Variants in ZNF695 observed in about 807,000 individuals in gnomAD.
ZNF695 encodes the protein zinc finger protein SBZF3.
ZNF695 carries 11 observed loss-of-function variants against 11.2 expected under a neutral mutation model. The ratio of observed to expected loss-of-function variants is 0.98; its 90% CI spans 0.62 to 1.62. The LOEUF (loss-of-function observed/expected upper bound fraction) is 1.62, where lower values mean the gene tolerates loss of function less well. ZNF695 is among the 40% of genes most tolerant of loss of function. The pLI is 0.00. For synonymous variants in ZNF695, 190 were observed against 201.4 expected, an observed-to-expected ratio of 0.94 and a Z score of 0.48; for missense variants, 559 against 590.5, an observed-to-expected ratio of 0.95 and a Z score of 0.55.
intron 5 of ZNF695, among the ~76,000 whole-genome samples, chr1:246,954,762 T>C (rs567701106): frequency 6.6e-6 from 1 of 152,278 alleles, no homozygotes; most frequent in Non-Finnish European, 1.5e-5. Flanking sequence ...TCTATATTCT[T>C]ATAGGGTTTT....
intron 5 of ZNF695, among the ~76,000 whole-genome samples, chr1:246,954,263 T>C (rs1287022801): frequency 1.3e-5 from 2 of 152,106 alleles, no homozygotes; most frequent in Non-Finnish European, 2.9e-5. Flanking sequence ...ACCAGAAGAA[T>C]AAAAACCCAA....
intron 1 of ZNF695, among the ~76,000 whole-genome samples, chr1:247,000,438 G>A (rs1026901275): frequency 4.6e-5 from 7 of 151,766 alleles, no homozygotes; most frequent in Admixed American, 4.6e-4. Context: ...CCAAGCTGCA[G>A]TGAGCCGAGA....
At chr1:246,977,450 G>C (rs1260566111) in intron 4 of ZNF695, among the ~76,000 whole-genome samples, 1 of 152,134 alleles carries the variant, frequency 6.6e-6, no homozygotes, top group Non-Finnish European at 1.5e-5. Context: ...TAGAGGCGGG[G>C]TTTTGCCATG....
chr1:246,966,190 A>G (rs906034220), intron 5 of ZNF695, among the ~76,000 whole-genome samples: 1 of 152,126 alleles, frequency 6.6e-6, no homozygotes, highest in African/African-American at 2.4e-5. Context: ...CAAGTGAGAG[A>G]ATAAAAGTCA....
At chr1:246,967,410 G>C in intron 5 of ZNF695, 1 of 456,480 alleles carries the variant, frequency 2.2e-6, no homozygotes, top group Non-Finnish European at 4.4e-6. Flanking sequence ...GCAAGACATA[G>C]TTGAATTCTG....
At chr1:246,996,030 T>C (rs1462317276) in intron 3 of ZNF695, 45 of 453,820 alleles carry the variant, frequency 9.9e-5, no homozygotes, top group Non-Finnish European at 8.9e-6. Flanking sequence ...CCTCACCAAA[T>C]GAATGGTTAA....
chr1:247,002,565 C>A (rs1476471951), intron 1 of ZNF695, among the ~76,000 whole-genome samples: 1 of 152,238 alleles, frequency 6.6e-6, no homozygotes, highest in Non-Finnish European at 1.5e-5. Context: ...ACAGGCAGAT[C>A]ACCTGAGGTC....
chr1:246,986,923 G>C lies in ZNF695; in HGVS notation c.*44C>G. 6.6e-7 allele frequency: 1 copy of C among 1,526,566 alleles called. No homozygotes were observed. The highest frequency in any genetic ancestry group is 2.3e-5 in the East Asian group (1 of 44,306). 94.6% of individuals were successfully genotyped at this position (1,526,566 alleles called of 1,614,324 possible). On this transcript the variant is annotated 3_prime_UTR_variant, in exon 4 of 4. Transcript: ENST00000339986. ...TATTCTGCTGTGAAGTTGTGAATAG[G>C]TATTAAAGACTATGCCATATTGTTT...
chr1:246,985,408 C>G lies in ZNF695; in HGVS notation c.*1559G>C, dbSNP rs1369944617. ...AAGAGCAAACAGAATGAAGGTGTAA[C>G]GTGTGGGAACAATATTTTTCAAATT... On this transcript the variant is annotated 3_prime_UTR_variant, in exon 4 of 4. Coordinates refer to ENST00000339986, the MANE Select transcript of ZNF695 (RefSeq NM_020394.5). The G allele has an allele frequency of 2.0e-6, 2 of 985,132 alleles. No individual in the cohort carries two copies. Among genetic ancestry groups the G allele is most frequent in the Admixed American group, 1.2e-4 (2 of 16,230 alleles). 61.0% of individuals were successfully genotyped at this position (985,132 alleles called of 1,614,324 possible). A position where few individuals can be genotyped will look rare whatever the true frequency, so the allele number is the denominator to read the frequency against.
intron 4 of ZNF695, among the ~76,000 whole-genome samples, chr1:246,972,751 C>A (rs1024223518): frequency 4.0e-5 from 6 of 151,874 alleles, no homozygotes; most frequent in African/African-American, 1.5e-4. Flanking sequence ...AACTCCTGAC[C>A]TTGAGTTCTA....
intron 3 of ZNF695, among the ~76,000 whole-genome samples, chr1:246,992,667 T>C (rs1669075288): frequency 6.6e-6 from 1 of 152,196 alleles, no homozygotes; most frequent in Non-Finnish European, 1.5e-5. Context: ...CTCATAAATA[T>C]ATACACTATG....
intron 1 of ZNF695, among the ~76,000 whole-genome samples, chr1:247,003,131 T>G (rs774220448): frequency 6.6e-6 from 1 of 152,184 alleles, no homozygotes; most frequent in African/African-American, 2.4e-5. Flanking sequence ...CAAAGGAGTA[T>G]ATATCATTCT....
chr1:246,989,010 C>T (rs777658562), intron 3 of ZNF695, among the ~76,000 whole-genome samples: 1 of 150,288 alleles, frequency 6.7e-6, no homozygotes, highest in Non-Finnish European at 1.5e-5. Context: ...AGAAGAATAG[C>T]GTGAACCCGG....
At chr1:246,982,324 T>C (rs185570688), downstream of ZNF695, among the ~76,000 whole-genome samples, 2 of 151,562 alleles carry the variant, frequency 1.3e-5, no homozygotes, top group African/African-American at 4.8e-5. Flanking sequence ...GAAGTCATTC[T>C]ATTATTGTTC....
intron 4 of ZNF695, among the ~76,000 whole-genome samples, chr1:246,976,662 C>T (rs12065200): frequency 0.049 from 7,470 of 151,734 alleles, 416 homozygotes; most frequent in African/African-American, 0.13. Flanking sequence ...GGCATGGTGG[C>T]GGGCACCTGT....
chr1:246,992,984 G>A (rs1374461095), intron 3 of ZNF695, among the ~76,000 whole-genome samples: 1 of 152,174 alleles, frequency 6.6e-6, no homozygotes, highest in Non-Finnish European at 1.5e-5. Context: ...TACTTTGACC[G>A]ACAGGTTGGT....
intron 5 of ZNF695, among the ~76,000 whole-genome samples, chr1:246,954,626 T>C (rs1188497619): frequency 6.6e-6 from 1 of 152,182 alleles, no homozygotes; most frequent in African/African-American, 2.4e-5. Context: ...ACCATGTGTG[T>C]CTAGAGCCTT....
At chr1:246,999,804 C>T (rs987207356) in intron 2 of ZNF695, 108 bp downstream of exon 2, 3 of 1,170,278 alleles carry the variant, frequency 2.6e-6, no homozygotes, top group African/African-American at 3.1e-5. Context: ...TTGTTTTCTA[C>T]ACCAAGAAAT....
chr1:246,996,437 A>G (rs1361976410), intron 3 of ZNF695, among the ~76,000 whole-genome samples: 3 of 152,170 alleles, frequency 2.0e-5, no homozygotes, highest in African/African-American at 7.2e-5. Flanking sequence ...CAACCCCACA[A>G]ATAATGGAAT....
Sources: gnomAD v4.1 joint callset for allele counts (sites outside exome capture counted in the v4.1 genomes callset) on GRCh38, gnomAD v4.1.1 for gene constraint, MANE v1.5 for transcripts, NCBI Gene and HGNC (gene_info 2026-07-23, HGNC 2026-07-21) for gene names.